The following CYP2C8 variants were observed in gnomAD, a reference collection of about 807,000 sequenced individuals.
The protein encoded by CYP2C8 is cytochrome P450 2C8.
CYP2C8 carries 51 observed loss-of-function variants against 41.3 expected under a neutral mutation model. The observed-to-expected ratio is 1.24, with a 90% CI of 0.99 to 1.56. The LOEUF (loss-of-function observed/expected upper bound fraction) is 1.56, where lower values mean the gene tolerates loss of function less well. Ranked by LOEUF, CYP2C8 falls within the 40% of genes most tolerant of loss-of-function variation. CYP2C8 has a pLI of 0.00. For missense variants in CYP2C8, 651 were observed against 579.9 expected (o/e 1.12, Z -1.26); for synonymous variants, 218 against 205.8 (o/e 1.06, Z -0.51).
intron 4 of CYP2C8, among the ~76,000 whole-genome samples, chr10:95,059,554 G>C (rs2033380863): frequency 1.3e-5 from 2 of 152,146 alleles, no homozygotes; most frequent in African/African-American, 4.8e-5. Context: ...CCCTTTGTCA[G>C]ATGAGTAGAT....
chr10:95,068,120 C>A (rs1482284459), intron 1 of CYP2C8, among the ~76,000 whole-genome samples: 1 of 152,168 alleles, frequency 6.6e-6, no homozygotes, highest in Non-Finnish European at 1.5e-5. Context: ...AGGCCACTAC[C>A]CAGCTAAAGA....
At chr10:95,045,087 A>G (rs1462651747) in intron 6 of CYP2C8, among the ~76,000 whole-genome samples, 1 of 152,244 alleles carries the variant, frequency 6.6e-6, no homozygotes, top group Non-Finnish European at 1.5e-5. Context: ...GGAAAAAGGT[A>G]TGTTATCTGC....
chr10:95,051,812 A>C (rs1436637789), intron 5 of CYP2C8, among the ~76,000 whole-genome samples: 1 of 152,134 alleles, frequency 6.6e-6, no homozygotes, highest in Non-Finnish European at 1.5e-5. Context: ...GGGATTCAGC[A>C]AAAGTGGTAC....
At chr10:95,061,121 G>A (rs2033418821) in intron 4 of CYP2C8, among the ~76,000 whole-genome samples, 1 of 152,160 alleles carries the variant, frequency 6.6e-6, no homozygotes, top group Non-Finnish European at 1.5e-5. Context: ...TTGTGTCTCT[G>A]CCAGGCTTTG....
intron 5 of CYP2C8, among the ~76,000 whole-genome samples, chr10:95,054,049 C>T (rs918365257): frequency 6.6e-6 from 1 of 151,670 alleles, no homozygotes; most frequent in African/African-American, 2.4e-5. Context: ...AAGCTTATGC[C>T]CTAAAATCAG....
chr10:95,069,094 CAT>C (rs1443750149), intron 1 of CYP2C8, 139 bp downstream of exon 1: 2 of 964,362 alleles, frequency 2.1e-6, no homozygotes, highest in African/African-American at 1.7e-5. Flanking sequence ...ACAAAAGAAA[CAT>C]CAAAGAAGTT....
At chr10:95,038,180 C>T (rs1015570209) in intron 8 of CYP2C8, among the ~76,000 whole-genome samples, 1 of 152,166 alleles carries the variant, frequency 6.6e-6, no homozygotes, top group Non-Finnish European at 1.5e-5. Context: ...GATATATGAT[C>T]ATGATTGGAA....
rs561337835 is a variant in CYP2C8 at position 95,043,089 on chromosome 10, C to A, written c.962-12G>T. ...TTCCTGGACTTTAGCTGACAAGACACAAGAAAGAACTGATGGAAACGAAGA... is the reference window on the plus strand; with the variant it reads ...TTCCTGGACTTTAGCTGACAAGACAAAAGAAAGAACTGATGGAAACGAAGA... On this transcript the variant is annotated splice_polypyrimidine_tract_variant and intron_variant, in intron 6 of 8. Coordinates refer to ENST00000371270, the MANE Select transcript of CYP2C8 (RefSeq NM_000770.3). 2.1e-5 allele frequency: 34 copies of A among 1,613,478 alleles called. No individual in the cohort carries two copies. The highest frequency in any genetic ancestry group is 2.9e-5 in the Non-Finnish European group (34 of 1,179,638).
At chr10:95,062,970 A>T (rs554315383) in intron 4 of CYP2C8, among the ~76,000 whole-genome samples, 1 of 152,074 alleles carries the variant, frequency 6.6e-6, no homozygotes, top group Admixed American at 6.6e-5. Context: ...ATTGGCCACC[A>T]CTCTCTTCTG....
At chr10:95,059,656 C>A (rs1310608124) in intron 4 of CYP2C8, among the ~76,000 whole-genome samples, 1 of 152,164 alleles carries the variant, frequency 6.6e-6, no homozygotes, top group East Asian at 1.9e-4. Flanking sequence ...TATTAGGTCC[C>A]ATTTGTCAAT....
At chr10:95,052,003 C>T (rs1008877190) in intron 5 of CYP2C8, among the ~76,000 whole-genome samples, 2 of 151,698 alleles carry the variant, frequency 1.3e-5, no homozygotes, top group African/African-American at 2.4e-5. Flanking sequence ...GAAAACAATA[C>T]AAAATATTAA....
chr10:95,048,323 T>A (rs149381751), intron 5 of CYP2C8, among the ~76,000 whole-genome samples: 189 of 152,304 alleles, frequency 1.2e-3, no homozygotes, highest in Admixed American at 3.3e-3. Context: ...GTTTGAGAGA[T>A]GTACAGTGCT....
intron 7 of CYP2C8, chr10:95,039,293 G>T: frequency 2.1e-6 from 1 of 466,338 alleles, no homozygotes; most frequent in Non-Finnish European, 3.9e-6. Flanking sequence ...CATCAAGTTT[G>T]GATGCCCTTT....
chr10:95,044,444 ACT>A (rs1467650535), intron 6 of CYP2C8, among the ~76,000 whole-genome samples: 1 of 152,018 alleles, frequency 6.6e-6, no homozygotes, highest in Non-Finnish European at 1.5e-5. Flanking sequence ...AATTTCATTC[ACT>A]CTGCTGGACA....
At position 95,053,278 on chromosome 10, in the gene CYP2C8, G is replaced by A. The variant is rs543209015; in HGVS notation, c.819+5057C>T. Among the ~76,000 whole-genome samples, 34 of 152,286 alleles carry A rather than the reference G, an allele frequency of 2.2e-4. No individual in the cohort carries two copies. The South Asian group carries it at 5.0e-3, about 22-fold the overall frequency. ...AAGTCAGGAAACAACAGATGCTGGC[G>A]ATGATGCAGAGAAATAGAAACACTT... On this transcript the variant is annotated intron_variant, in intron 5 of 8. Transcript: ENST00000371270.
rs1422996951 is a variant in CYP2C8 at position 95,036,858 on chromosome 10, T to C, written c.*270A>G. The C allele has an allele frequency of 1.1e-5, 5 of 457,648 alleles. No homozygotes were observed. The highest frequency in any genetic ancestry group is 2.0e-5 in the Non-Finnish European group (5 of 250,544). The allele number at this position is 457,648 out of a possible 1,614,324, so 28.3% of individuals were successfully genotyped here. A position where few individuals can be genotyped will look rare whatever the true frequency, so the allele number is the denominator to read the frequency against. On this transcript the variant is annotated 3_prime_UTR_variant, in exon 9 of 9. Transcript: ENST00000371270. The stretch of plus-strand genomic sequence containing the variant: ...ATCATTCATTAATCACTTTTCTGTG[T>C]TTTACAGTGATAACATATTAAAAAG...
intron 5 of CYP2C8, among the ~76,000 whole-genome samples, chr10:95,055,261 G>C (rs11572124): frequency 0.2 from 29,881 of 151,964 alleles, 3,115 homozygotes; most frequent in East Asian, 0.39. Flanking sequence ...ATAAAGACCA[G>C]TGGAATAAAA....
intron 5 of CYP2C8, among the ~76,000 whole-genome samples, chr10:95,054,582 TA>T (rs1364451689): frequency 6.6e-6 from 1 of 151,982 alleles, no homozygotes; most frequent in Non-Finnish European, 1.5e-5. Flanking sequence ...GAAAGAGAAA[TA>T]AAAGGCATTT....
intron 6 of CYP2C8, 28 bp from the exon 7 acceptor site, chr10:95,043,105 G>A (rs774393002): frequency 1.2e-6 from 2 of 1,607,480 alleles, no homozygotes; most frequent in South Asian, 2.2e-5. Flanking sequence ...AGAACTGATG[G>A]AAACGAAGAT....
Sources: gnomAD v4.1 joint callset for allele counts (sites outside exome capture counted in the v4.1 genomes callset) on GRCh38, gnomAD v4.1.1 for gene constraint, MANE v1.5 for transcripts, NCBI Gene and HGNC (gene_info 2026-07-23, HGNC 2026-07-21) for gene names.